SLC26A9: variants seen among roughly 807,000 people sequenced by gnomAD.
SLC26A9 encodes anion transporter/exchanger protein 9.
Under a neutral mutation model 87.1 loss-of-function variants are expected in SLC26A9, and 46 were observed. The ratio of observed to expected loss-of-function variants is 0.53; its 90% CI spans 0.42 to 0.67. The LOEUF (loss-of-function observed/expected upper bound fraction) is 0.67. Among genes scored for constraint, SLC26A9 ranks in the 30% least tolerant of loss-of-function variants. The pLI is 0.00. For synonymous variants in SLC26A9, 437 were observed against 409.1 expected (o/e 1.07, Z -0.82); for missense variants, 927 against 1,018.3 (o/e 0.91, Z 1.22).
At chr1:205,922,946 GGC>G in intron 16 of SLC26A9, 134 bp downstream of exon 16, 1 of 741,524 alleles carries the variant, frequency 1.3e-6, no homozygotes, top group Non-Finnish European at 2.3e-6. Flanking sequence ...GCGGCCACCA[GGC>G]AGTGTTCCCA....
In SLC26A9 at chr1:205,915,040, G is replaced by C; in HGVS notation, c.*317C>G. 1.2e-6 allele frequency: 2 copies of C among 1,614,188 alleles called. No homozygotes were observed. The highest frequency in any genetic ancestry group is 1.7e-6 in the Non-Finnish European group (2 of 1,180,038). On this transcript the variant is annotated 3_prime_UTR_variant, in exon 21 of 21. Coordinates refer to ENST00000367135, the MANE Select transcript of SLC26A9 (RefSeq NM_052934.4). ...AAGCTGGAAGTCAAGGTGTCCTTCA[G>C]CTGCCAAGGACAGGGCAGAGGTGGG...
rs573016408 is a variant in SLC26A9 at position 205,922,969 on chromosome 1, G to C, written c.1773+113C>G. 50 of 869,234 alleles carry C rather than the reference G, an allele frequency of 5.8e-5. No homozygotes were observed. The East Asian group carries it at 1.2e-3, about 21-fold the overall frequency. The allele number at this position is 869,234 out of a possible 1,614,324, so 53.8% of individuals were successfully genotyped here. A position where few individuals can be genotyped will look rare whatever the true frequency, so the allele number is the denominator to read the frequency against. On this transcript the variant is annotated intron_variant, in intron 16 of 20. Coordinates refer to ENST00000367135, the MANE Select transcript of SLC26A9 (RefSeq NM_052934.4). Reference sequence around the variant, plus strand: ...CAGGCAGTGTTCCCAGAGACTTTCTGTCTTTGCCTGTCAGGGTGGGAAGCG... The same window carrying C: ...CAGGCAGTGTTCCCAGAGACTTTCTCTCTTTGCCTGTCAGGGTGGGAAGCG...
Position 205,931,465 on chromosome 1 carries a change from G to GTTTTTTTTTTTT in SLC26A9, c.552+383_552+394dup, listed in dbSNP as rs34820138. 3.4e-3 allele frequency among the ~76,000 whole-genome samples: 330 copies of GTTTTTTTTTTTT among 95,908 alleles called. 37 individuals carry two copies. The highest frequency in any genetic ancestry group is 0.012 in the East Asian group (33 of 2,680). The allele number at this position is 95,908 out of a possible 152,430, so 62.9% of individuals were successfully genotyped here. ...GAGGGAGGAGGTGAGCCCTAACTTG[G>GTTTTTTTTTTTT]TTTTTTTTTTTTTTTTTTTGAGACG... On this transcript the variant is annotated intron_variant, in intron 5 of 20. Coordinates refer to ENST00000367135, the MANE Select transcript of SLC26A9 (RefSeq NM_052934.4).
At position 205,915,111 on chromosome 1, in the gene SLC26A9, A is replaced by AC; in HGVS notation, c.*245dup. ...GCTTGTCCATTGCGGCCAGGGCCTG[A>AC]CGGGTGAAGAGTGGGCTCACCAGAC... On this transcript the variant is annotated 3_prime_UTR_variant, in exon 21 of 21. Transcript: ENST00000367135. 1 of 1,613,964 alleles carries AC rather than the reference A, an allele frequency of 6.2e-7. No individual in the cohort carries two copies. Among genetic ancestry groups the AC allele is most frequent in the Non-Finnish European group, 8.5e-7 (1 of 1,179,920 alleles).
chr1:205,930,884 A>G (rs574133996), intron 5 of SLC26A9, among the ~76,000 whole-genome samples: 1 of 152,212 alleles, frequency 6.6e-6, no homozygotes, highest in Admixed American at 6.5e-5. Flanking sequence ...CTGTGTCCCT[A>G]CAGTCTTTGT....
At chr1:205,936,650 C>T (rs1011094679) in intron 1 of SLC26A9, among the ~76,000 whole-genome samples, 19 of 152,228 alleles carry the variant, frequency 1.2e-4, no homozygotes, top group Non-Finnish European at 2.2e-4. Context: ...ACCCCTCTAC[C>T]TCCCAGAGCT....
chr1:205,919,448 A>G (rs17433137), intron 18 of SLC26A9, among the ~76,000 whole-genome samples: 6,496 of 152,278 alleles, frequency 0.043, 186 homozygotes, highest in African/African-American at 0.058. Flanking sequence ...TTCTAACTCC[A>G]GAACATATCA....
intron 19 of SLC26A9, 147 bp downstream of exon 19, chr1:205,918,693 A>G: frequency 1.9e-6 from 2 of 1,026,418 alleles, no homozygotes; most frequent in Admixed American, 4.7e-5. Context: ...TGCTCATTCT[A>G]TAGATAAGGA....
At chr1:205,941,122 G>A (rs1317827604) in intron 1 of SLC26A9, among the ~76,000 whole-genome samples, 3 of 152,186 alleles carry the variant, frequency 2.0e-5, no homozygotes, top group African/African-American at 7.2e-5. Context: ...GAGGAAGGAT[G>A]TAGAGGCCTC....
Position 205,935,772 on chromosome 1 carries a change from G to T in SLC26A9, c.49C>A (p.Leu17Ile), listed in dbSNP as rs770847069. 5 of 1,614,078 alleles carry T rather than the reference G, an allele frequency of 3.1e-6. No homozygotes were observed. The highest frequency in any genetic ancestry group is 1.7e-4 in the Middle Eastern group (1 of 6,060). ...RYVVDRAAYS[L>I]TLFDDEFEKK... ...TCAAACTCATCGTCGAAGAGGGTAA[G>T]GGAGTATGCGGCTCTGTCTACCACG... Residue 17 changes from leucine (L) to isoleucine (I), a missense_variant, in exon 2 of 21, where the codon CTT becomes ATT. Leu to Ile is a conservative substitution (Grantham distance 5, BLOSUM62 2). Coordinates refer to ENST00000367135, the MANE Select transcript of SLC26A9 (RefSeq NM_052934.4).
Position 205,935,776 on chromosome 1 carries a change from G to A in SLC26A9, c.45C>T (p.Tyr15=), listed in dbSNP as rs759589658. ...ACTCATCGTCGAAGAGGGTAAGGGA[G>A]TATGCGGCTCTGTCTACCACGTAGC... ...RPRYVVDRAA[Y]SLTLFDDEFE... Residue 15 remains tyrosine (Y), a synonymous_variant, in exon 2 of 21, where the codon TAC becomes TAT. Transcript: ENST00000367135. 1.9e-6 allele frequency: 3 copies of A among 1,613,814 alleles called. No individual in the cohort carries two copies. The highest frequency in any genetic ancestry group is 2.5e-6 in the Non-Finnish European group (3 of 1,179,888).
chr1:205,923,648 T>C (rs1396677106), intron 13 of SLC26A9, 35 bp from the exon 14 acceptor site: 2 of 1,613,312 alleles, frequency 1.2e-6, no homozygotes, highest in African/African-American at 1.3e-5. Context: ...CATAAGAGAA[T>C]GCTAATGGCA....
In SLC26A9 at chr1:205,914,679, G is replaced by A. The variant is rs139679145; in HGVS notation, c.*678C>T. The A allele has an allele frequency of 3.1e-4, 174 of 559,750 alleles. 1 individual carries two copies. Among genetic ancestry groups the A allele is most frequent in the African/African-American group, 2.4e-3 (131 of 53,472 alleles). The allele number at this position is 559,750 out of a possible 1,614,324, so 34.7% of individuals were successfully genotyped here. ...CCGGGGAGGTAGCTCTGGTGGTCTC[G>A]ACGGTCCTGGCCACTGTCCAGGCTA... is the stretch of plus-strand genomic sequence containing the variant. On this transcript the variant is annotated 3_prime_UTR_variant, in exon 21 of 21. Coordinates refer to ENST00000367135, the MANE Select transcript of SLC26A9 (RefSeq NM_052934.4).
In SLC26A9 at chr1:205,933,048, C is replaced by A; in HGVS notation, c.162G>T (p.Gly54=). Residue 54 remains glycine (G), a synonymous_variant, in exon 3 of 21, where the codon GGG becomes GGT. Transcript: ENST00000367135. ...SSAKIKAVVF[G]LLPVLSWLPK... is the part of the protein sequence containing the mutation. ...GGAGCCAGGAGAGCACAGGCAGCAG[C>A]CCAAACACCACAGCTTTGATCTTGG... 1 of 1,614,140 alleles carries A rather than the reference C, an allele frequency of 6.2e-7. No individual in the cohort carries two copies. The highest frequency in any genetic ancestry group is 1.1e-5 in the South Asian group (1 of 91,074).
At chr1:205,929,812 C>G in intron 6 of SLC26A9, 80 bp downstream of exon 6, 3 of 1,470,914 alleles carry the variant, frequency 2.0e-6, no homozygotes, top group South Asian at 3.0e-5. Flanking sequence ...GAGGAGCTCA[C>G]GACATCTTAA....
intron 1 of SLC26A9, among the ~76,000 whole-genome samples, chr1:205,940,208 C>A (rs1045754651): frequency 6.6e-6 from 1 of 152,050 alleles, no homozygotes; most frequent in South Asian, 2.1e-4. Context: ...AGGGGTCGTG[C>A]GAGCCGGAGT....
At chr1:205,928,163 G>A in intron 8 of SLC26A9, 114 bp from the exon 9 acceptor site, 1 of 1,292,366 alleles carries the variant, frequency 7.7e-7, no homozygotes, top group Admixed American at 2.2e-5. Flanking sequence ...CGGGATCTTT[G>A]CCTAAGTTAT....
At chr1:205,941,911 A>G (rs1659760918) in intron 1 of SLC26A9, among the ~76,000 whole-genome samples, 1 of 152,214 alleles carries the variant, frequency 6.6e-6, no homozygotes, top group Admixed American at 6.5e-5. Flanking sequence ...TGAAGGGCCC[A>G]GCTGCTCTGG....
chr1:205,921,231 G>C (rs1370216491), intron 17 of SLC26A9, among the ~76,000 whole-genome samples: 1 of 152,224 alleles, frequency 6.6e-6, no homozygotes, highest in African/African-American at 2.4e-5. Context: ...CATGAACCAG[G>C]AGCCAAACCG....
Sources: allele counts gnomAD v4.1 joint callset (sites outside exome capture counted in the v4.1 genomes callset), GRCh38; gene constraint gnomAD v4.1.1; transcripts MANE v1.5; gene names NCBI Gene and HGNC (gene_info 2026-07-23, HGNC 2026-07-21).